IGSF21: variants seen among roughly 807,000 people sequenced by gnomAD.
IGSF21 encodes the protein immunoglobin superfamily member 21, also known as immunoglobulin superfamily member 21.
In IGSF21, 28 loss-of-function variants were observed where a neutral mutation model predicts 46.8. That is an observed-to-expected ratio of 0.60 (90% CI 0.44 to 0.82). The LOEUF (loss-of-function observed/expected upper bound fraction) is 0.82, where lower values mean the gene tolerates loss of function less well. Ranked by LOEUF, IGSF21 falls within the 40% of genes least tolerant of loss-of-function variation. IGSF21 has a pLI of 0.00. For missense variants in IGSF21, 624 were observed against 665.5 expected (o/e 0.94, Z 0.69); for synonymous variants, 284 against 273.6 (o/e 1.04, Z -0.38).
chr1:18,367,325 A>G (rs2124634253), intron 6 of IGSF21, among the ~76,000 whole-genome samples: 1 of 152,322 alleles, frequency 6.6e-6, no homozygotes, highest in East Asian at 1.9e-4. Flanking sequence ...GAACATCTGC[A>G]AGGATTCTCA....
chr1:18,172,572 A>G (rs1355757425), intron 1 of IGSF21, among the ~76,000 whole-genome samples: 1 of 152,216 alleles, frequency 6.6e-6, no homozygotes, highest in African/African-American at 2.4e-5. Flanking sequence ...TCCTTGTTGC[A>G]TGTGCAGAGA....
intron 2 of IGSF21, among the ~76,000 whole-genome samples, chr1:18,288,216 C>A (rs1009847404): frequency 6.6e-6 from 1 of 152,074 alleles, no homozygotes; most frequent in African/African-American, 2.4e-5. Context: ...TGCTCCAAAG[C>A]CTCCCATAGA....
At chr1:18,129,981 C>A (rs1858586) in intron 1 of IGSF21, among the ~76,000 whole-genome samples, 144,855 of 152,200 alleles carry the variant, frequency 0.95, 69,029 homozygotes, top group Non-Finnish European at 0.98. Context: ...GGGCCAATAC[C>A]TTTCTGTTCA....
chr1:18,206,548 CAAAA>C (rs1182210491), intron 1 of IGSF21, among the ~76,000 whole-genome samples: 1 of 78,824 alleles, frequency 1.3e-5, no homozygotes. Flanking sequence ...GACCCCGTCT[CAAAA>C]AAAAAAAAAA....
chr1:18,353,252 TC>T (rs1172066686), intron 4 of IGSF21, among the ~76,000 whole-genome samples: 1 of 151,920 alleles, frequency 6.6e-6, no homozygotes. Flanking sequence ...TGCCGGGGAC[TC>T]CCTTCCACTG....
intron 2 of IGSF21, among the ~76,000 whole-genome samples, chr1:18,230,181 C>A (rs903826314): frequency 2.4e-4 from 37 of 152,332 alleles, no homozygotes; most frequent in African/African-American, 8.9e-4. Context: ...CAGGTTTCCA[C>A]ATGGCTTGAC....
chr1:18,357,580 T>C (rs891967925), intron 4 of IGSF21, among the ~76,000 whole-genome samples: 5 of 151,932 alleles, frequency 3.3e-5, no homozygotes, highest in African/African-American at 9.7e-5. Context: ...GGAAGGCTTT[T>C]ATTGGGCTAT....
intron 1 of IGSF21, among the ~76,000 whole-genome samples, chr1:18,174,058 T>C (rs531031685): frequency 7.2e-5 from 11 of 152,312 alleles, no homozygotes; most frequent in South Asian, 2.1e-4. Flanking sequence ...CTGGCCTCTT[T>C]GAATTTTAAA....
intron 2 of IGSF21, among the ~76,000 whole-genome samples, chr1:18,280,275 A>G (rs1294369484): frequency 6.6e-6 from 1 of 152,048 alleles, no homozygotes. Flanking sequence ...GGATCCAAAA[A>G]TCAAGTTTGC....
chr1:18,276,848 G>A (rs1241171814), intron 2 of IGSF21, among the ~76,000 whole-genome samples: 5 of 152,186 alleles, frequency 3.3e-5, no homozygotes, highest in African/African-American at 7.2e-5. Flanking sequence ...TGGGGCCATC[G>A]TTTGGTGGTC....
At chr1:18,280,724 G>T (rs576563919) in intron 2 of IGSF21, among the ~76,000 whole-genome samples, 54 of 152,180 alleles carry the variant, frequency 3.5e-4, no homozygotes, top group African/African-American at 1.3e-3. Flanking sequence ...ACATGTGTGA[G>T]CCATGACCCT....
chr1:18,337,831 G>A lies in IGSF21; in HGVS notation c.424+2821G>A, dbSNP rs1300217029. 6.6e-6 allele frequency among the ~76,000 whole-genome samples: 1 copy of A among 152,108 alleles called. No individual in the cohort carries two copies. Among genetic ancestry groups the A allele is most frequent in the East Asian group, 1.9e-4 (1 of 5,182 alleles). Reference sequence around the variant, plus strand: ...TCCTCACTGCAGATCGGCGCGTGGGGGATTACTATTATCTCTAACTCACAG... The same window carrying A: ...TCCTCACTGCAGATCGGCGCGTGGGAGATTACTATTATCTCTAACTCACAG... On this transcript the variant is annotated intron_variant, in intron 4 of 9. Coordinates refer to ENST00000251296, the MANE Select transcript of IGSF21 (RefSeq NM_032880.5). This position sits in a 1 kb window ranked among gnomAD's most constrained non-coding sequence, Gnocchi z 5.7.
chr1:18,192,307 G>A (rs1037212792), intron 1 of IGSF21, among the ~76,000 whole-genome samples: 2 of 152,340 alleles, frequency 1.3e-5, no homozygotes, highest in African/African-American at 4.8e-5. Flanking sequence ...GCTCTGGGCC[G>A]GGTCTCTGGA....
intron 1 of IGSF21, among the ~76,000 whole-genome samples, chr1:18,190,715 ACTT>A (rs1216328944): frequency 6.6e-6 from 1 of 152,026 alleles, no homozygotes; most frequent in East Asian, 1.9e-4. Flanking sequence ...AAGGCTGGCC[ACTT>A]CTTTATCTCA....
At chr1:18,120,776 G>C (rs948799116) in intron 1 of IGSF21, among the ~76,000 whole-genome samples, 2 of 152,144 alleles carry the variant, frequency 1.3e-5, no homozygotes, top group African/African-American at 4.8e-5. Flanking sequence ...ATGTGAATTT[G>C]AAGGGGCAGA....
intron 3 of IGSF21, among the ~76,000 whole-genome samples, chr1:18,296,652 T>C (rs1569752492): frequency 6.6e-6 from 1 of 152,180 alleles, no homozygotes; most frequent in African/African-American, 2.4e-5. Flanking sequence ...TTCCATCTGC[T>C]TAAAATATTC....
intron 2 of IGSF21, among the ~76,000 whole-genome samples, chr1:18,278,531 TTTTGTTTGTTTG>T (rs201958803): frequency 0.013 from 1,776 of 140,890 alleles, 44 homozygotes; most frequent in African/African-American, 0.042. Context: ...GTAAGGTTTT[TTTTGTTTGTTTG>T]TTTGTTTGTT....
At chr1:18,135,337 GGCCAT>G (rs1254393852) in intron 1 of IGSF21, among the ~76,000 whole-genome samples, 1 of 151,820 alleles carries the variant, frequency 6.6e-6, no homozygotes, top group African/African-American at 2.4e-5. Flanking sequence ...TGTATACAGG[GGCCAT>G]GCTGGTGCGC....
At chr1:18,264,086 A>G (rs77362416) in intron 2 of IGSF21, among the ~76,000 whole-genome samples, 5,114 of 152,294 alleles carry the variant, frequency 0.034, 296 homozygotes, top group African/African-American at 0.12. Flanking sequence ...CCTCTTACAG[A>G]GAGAAGCCAA....
Sources: allele counts gnomAD v4.1 joint callset (sites outside exome capture counted in the v4.1 genomes callset), GRCh38; gene constraint gnomAD v4.1.1; non-coding constraint Gnocchi (gnomAD v3.1); transcripts MANE v1.5; gene names NCBI Gene and HGNC (gene_info 2026-07-23, HGNC 2026-07-21).